MYRFL: variants seen among roughly 807,000 people sequenced by gnomAD.
MYRFL encodes myelin regulatory factor like, also known as myelin regulatory factor-like protein.
Under a neutral mutation model 109.4 loss-of-function variants are expected in MYRFL, and 88 were observed. That is an observed-to-expected ratio of 0.80 (90% CI 0.68 to 0.96). The LOEUF is 0.96. Among genes scored for constraint, MYRFL ranks in the 40% least tolerant of loss-of-function variants. MYRFL has a pLI of 0.00. For synonymous variants in MYRFL, 324 were observed against 320.9 expected (o/e 1.01, Z -0.10); for missense variants, 957 against 954.9 (o/e 1.00, Z -0.03).
intron 2 of MYRFL, among the ~76,000 whole-genome samples, chr12:69,856,581 T>C (rs1174664514): frequency 1.3e-5 from 2 of 152,062 alleles, no homozygotes; most frequent in Non-Finnish European, 1.5e-5. Flanking sequence ...TAAAATTGTT[T>C]TTATTATAGC....
At chr12:69,847,670 TA>T (rs1270443883) in intron 1 of MYRFL, among the ~76,000 whole-genome samples, 1 of 151,958 alleles carries the variant, frequency 6.6e-6, no homozygotes, top group Non-Finnish European at 1.5e-5. Flanking sequence ...TCTCTCTCTT[TA>T]AAAAAAGAAA....
Position 69,910,826 on chromosome 12 carries a change from A to G in MYRFL, c.1498A>G (p.Ile500Val). Residue 500 changes from isoleucine to valine, a missense_variant, in exon 13 of 25, where the codon ATT (isoleucine) becomes GTT (valine). Coordinates refer to ENST00000552032, the MANE Select transcript of MYRFL (RefSeq NM_182530.3). ...GINTAHQTGMIAQEVQEILPR... is the reference protein window; with the variant it reads ...GINTAHQTGMVAQEVQEILPR... Reference sequence around the variant, plus strand: ...GTGGAGTGTTTTGTATACAGGAATGATTGCCCAGGAGGTGCAAGAAATCCT... The same window carrying G: ...GTGGAGTGTTTTGTATACAGGAATGGTTGCCCAGGAGGTGCAAGAAATCCT... 1.3e-6 allele frequency: 2 copies of G among 1,533,716 alleles called. No homozygotes were observed. Among genetic ancestry groups the G allele is most frequent in the Non-Finnish European group, 1.7e-6 (2 of 1,145,000 alleles).
intron 1 of MYRFL, among the ~76,000 whole-genome samples, chr12:69,836,739 C>T (rs1298414067): frequency 1.3e-5 from 2 of 152,116 alleles, no homozygotes; most frequent in African/African-American, 4.8e-5. Context: ...TGCTTCCTTC[C>T]CCTGAGAGAG....
intron 16 of MYRFL, among the ~76,000 whole-genome samples, chr12:69,933,173 T>C (rs789567): frequency 0.26 from 39,406 of 152,032 alleles, 5,408 homozygotes; most frequent in Non-Finnish European, 0.32. Context: ...GCTATGCAAA[T>C]TGGGCAACTT....
rs760552651 is a variant in MYRFL at position 69,936,541 on chromosome 12, T to C, written c.2133T>C (p.Tyr711=). The C allele has an allele frequency of 3.3e-6, 5 of 1,536,180 alleles. No individual in the cohort carries two copies. In the South Asian group the frequency reaches 3.6e-5, roughly 11 times the overall value. ...FCEILPCQET[Y]CCPIRGMKEV... is the part of the protein sequence containing the mutation. ...AAATCCTGCCGTGTCAGGAGACTTA[T>C]TGCTGCCCCATCCGGGGAATGAAAG... Residue 711 remains tyrosine, a synonymous_variant, in exon 19 of 25, where the codon TAT becomes TAC. Transcript: ENST00000552032.
intron 2 of MYRFL, among the ~76,000 whole-genome samples, chr12:69,871,478 C>T (rs2136329083): frequency 6.6e-6 from 1 of 152,240 alleles, no homozygotes; most frequent in East Asian, 1.9e-4. Context: ...GTGATCCACC[C>T]ACCTTGGCCT....
intron 13 of MYRFL, among the ~76,000 whole-genome samples, chr12:69,916,870 G>C (rs1190553907): frequency 1.3e-5 from 2 of 152,274 alleles, no homozygotes; most frequent in African/African-American, 4.8e-5. Flanking sequence ...AATATGATGT[G>C]TTTGTGTCCT....
chr12:69,830,113 A>G (rs1474051330), intron 1 of MYRFL, among the ~76,000 whole-genome samples: 1 of 152,102 alleles, frequency 6.6e-6, no homozygotes, highest in Non-Finnish European at 1.5e-5. Flanking sequence ...AGAGTCTTGT[A>G]TTCAAAGTGC....
At position 69,861,703 on chromosome 12, in the gene MYRFL, G is replaced by A. The variant is rs572671588; in HGVS notation, c.137+6333G>A. Among the ~76,000 whole-genome samples, 10 of 151,920 alleles carry A rather than the reference G, an allele frequency of 6.6e-5. 1 individual carries two copies. In the South Asian group the frequency reaches 2.1e-3, roughly 32 times the overall value. On this transcript the variant is annotated intron_variant, in intron 2 of 24. Transcript: ENST00000552032. The stretch of plus-strand genomic sequence containing the variant: ...TTTTCTCCCATTTTGTAGGTTGCCT[G>A]TTCACTCTGATGGTAGTTTCTTTTG...
chr12:69,932,468 T>TA, intron 15 of MYRFL, 45 bp from the exon 16 acceptor site: 2 of 1,307,384 alleles, frequency 1.5e-6, no homozygotes, highest in South Asian at 2.5e-5. Flanking sequence ...TTCTCACAGT[T>TA]AGAGTTGCTA....
At chr12:69,891,283 G>C in intron 7 of MYRFL, 117 bp downstream of exon 7, 1 of 788,194 alleles carries the variant, frequency 1.3e-6, no homozygotes. Flanking sequence ...CCTTTATTTT[G>C]GTCACAAATC....
In MYRFL at chr12:69,855,380, G is replaced by A; in HGVS notation, c.137+10G>A. The A allele has an allele frequency of 1.4e-6, 1 of 702,606 alleles. No homozygotes were observed. Among genetic ancestry groups the A allele is most frequent in the Non-Finnish European group, 2.6e-6 (1 of 384,714 alleles). 43.5% of individuals were successfully genotyped at this position (702,606 alleles called of 1,614,324 possible). On this transcript the variant is annotated intron_variant, in intron 2 of 24. Transcript: ENST00000552032. ...TTGATTTGGGGGCCTTGTAAGTAAT[G>A]AGAGCACTGCTCTCTAGTTGATGTT...
intron 1 of MYRFL, among the ~76,000 whole-genome samples, chr12:69,826,547 G>A (rs570581124): frequency 4.6e-5 from 7 of 152,038 alleles, no homozygotes; most frequent in East Asian, 1.9e-4. Flanking sequence ...CCTGAATATC[G>A]AATTTGGTCT....
At chr12:69,908,215 T>C (rs529032579) in intron 11 of MYRFL, among the ~76,000 whole-genome samples, 1 of 152,366 alleles carries the variant, frequency 6.6e-6, no homozygotes, top group African/African-American at 2.4e-5. Flanking sequence ...AAACTGGTGA[T>C]ATGTTGATGA....
intron 5 of MYRFL, among the ~76,000 whole-genome samples, chr12:69,880,951 G>GGTTTTTTTTTTTTTTTTTTTTTTTTTTT (rs1555246956): frequency 8.9e-6 from 1 of 112,626 alleles, no homozygotes; most frequent in South Asian, 3.0e-4. Context: ...CAGCCTTCCT[G>GGTTTTTTTTTTTTTTTTTTTTTTTTTTT]TTTTTTTTTT....
intron 13 of MYRFL, among the ~76,000 whole-genome samples, chr12:69,920,675 A>G (rs1225245045): frequency 6.6e-6 from 1 of 152,210 alleles, no homozygotes; most frequent in Non-Finnish European, 1.5e-5. Context: ...TCCAGAGGCT[A>G]GAGGAATCCT....
chr12:69,880,949 C>CCGTTTTTTT (rs1379691821), intron 5 of MYRFL, among the ~76,000 whole-genome samples: 9 of 30,234 alleles, frequency 3.0e-4, no homozygotes, highest in East Asian at 1.5e-3. Flanking sequence ...GTCAGCCTTC[C>CCGTTTTTTT]TGTTTTTTTT....
chr12:69,883,566 A>T (rs145175043), intron 5 of MYRFL, among the ~76,000 whole-genome samples: 1 of 152,290 alleles, frequency 6.6e-6, no homozygotes, highest in African/African-American at 2.4e-5. Context: ...ACTGTTGGGC[A>T]AAAGAGGCCG....
Position 69,868,856 on chromosome 12 carries a change from A to G in MYRFL, c.138-10172A>G, listed in dbSNP as rs80000143. Reference sequence around the variant, plus strand: ...ACACACACATGCACAGCATGCACACATGTGCACACACACGCGCACACACAT... The same window carrying G: ...ACACACACATGCACAGCATGCACACGTGTGCACACACACGCGCACACACAT... On this transcript the variant is annotated intron_variant, in intron 2 of 24. Coordinates refer to ENST00000552032, the MANE Select transcript of MYRFL (RefSeq NM_182530.3). Among the ~76,000 whole-genome samples the G allele has an allele frequency of 9.0e-4, 137 of 152,174 alleles. 1 individual carries two copies. The East Asian group carries it at 0.025, about 27-fold the overall frequency.
Sources: gnomAD v4.1 joint callset for allele counts (sites outside exome capture counted in the v4.1 genomes callset) on GRCh38, gnomAD v4.1.1 for gene constraint, MANE v1.5 for transcripts, NCBI Gene and HGNC (gene_info 2026-07-23, HGNC 2026-07-21) for gene names.